CCDC50: variants seen among roughly 807,000 people sequenced by gnomAD.
CCDC50 encodes the protein coiled-coil domain-containing protein 50.
Under a neutral mutation model 70.2 loss-of-function variants are expected in CCDC50, and 54 were observed. The observed-to-expected ratio is 0.77, with a 90% CI of 0.62 to 0.96. The LOEUF (loss-of-function observed/expected upper bound fraction) is 0.96. Among genes scored for constraint, CCDC50 ranks in the 50% least tolerant of loss-of-function variants. CCDC50 has a pLI of 0.00. For synonymous variants in CCDC50, 216 were observed against 198.8 expected, an observed-to-expected ratio of 1.09 and a Z score of -0.73; for missense variants, 558 against 578.7, an observed-to-expected ratio of 0.96 and a Z score of 0.37.
At chr3:191,389,634 T>C (rs568565994) in intron 11 of CCDC50, 32 bp downstream of exon 11, 1 of 1,516,904 alleles carries the variant, frequency 6.6e-7, no homozygotes, top group East Asian at 2.3e-5. Context: ...AAGTTTAGGA[T>C]CTTCTTTTTT....
chr3:191,378,769 A>G (rs1576971332), intron 6 of CCDC50, among the ~76,000 whole-genome samples: 2 of 150,826 alleles, frequency 1.3e-5, no homozygotes, highest in South Asian at 4.2e-4. Flanking sequence ...TTGCTGTCCC[A>G]AACCACTTAG....
intron 4 of CCDC50, among the ~76,000 whole-genome samples, chr3:191,365,237 T>TA (rs2108654993): frequency 6.6e-6 from 1 of 151,948 alleles, no homozygotes; most frequent in East Asian, 1.9e-4. Context: ...TTGAAGCCCT[T>TA]TATAGTATAA....
At chr3:191,380,592 T>C in intron 7 of CCDC50, 95 bp from the exon 8 acceptor site, 1 of 1,220,100 alleles carries the variant, frequency 8.2e-7, no homozygotes, top group Non-Finnish European at 1.2e-6. Context: ...GAGTCACAAT[T>C]ATTTTCAAAA....
chr3:191,336,312 G>T (rs1318127915), intron 1 of CCDC50, among the ~76,000 whole-genome samples: 3 of 151,894 alleles, frequency 2.0e-5, no homozygotes, highest in Middle Eastern at 3.2e-3. Flanking sequence ...CTGCATCCTT[G>T]CTGGCATTTG....
rs190562738 is a variant in CCDC50 at position 191,347,659 on chromosome 3, C to T, written c.50-9429C>T. 1.2e-4 allele frequency among the ~76,000 whole-genome samples: 17 copies of T among 142,062 alleles called. 4 individuals carry two copies. In the South Asian group the frequency reaches 2.0e-3, roughly 17 times the overall value. 93.2% of individuals were successfully genotyped at this position (142,062 alleles called of 152,430 possible). A position where few individuals can be genotyped will look rare whatever the true frequency, so the allele number is the denominator to read the frequency against. ...AAAGAAACCAAGAATTGACCACCTG[C>T]CTGTATATATCACTTTTCTAGGTAT... is the stretch of plus-strand genomic sequence containing the variant. On this transcript the variant is annotated intron_variant, in intron 1 of 11. Transcript: ENST00000392455.
Position 191,392,076 on chromosome 3 carries a change from C to G in CCDC50, c.*316C>G, listed in dbSNP as rs1713714189. On this transcript the variant is annotated 3_prime_UTR_variant, in exon 12 of 12. Coordinates refer to ENST00000392455, the MANE Select transcript of CCDC50 (RefSeq NM_178335.3). ...GGAGTTTGGTATCTAGGGAGTAGGC[C>G]TTATTTAGCAATTCAAATTTTATGG... 3.8e-6 allele frequency: 1 copy of G among 260,302 alleles called. No individual in the cohort carries two copies. Among genetic ancestry groups the G allele is most frequent in the South Asian group, 8.9e-5 (1 of 11,274 alleles). 16.1% of individuals were successfully genotyped at this position (260,302 alleles called of 1,614,324 possible).
At chr3:191,343,984 A>G (rs1435954494) in intron 1 of CCDC50, among the ~76,000 whole-genome samples, 1 of 152,256 alleles carries the variant, frequency 6.6e-6, no homozygotes, top group East Asian at 1.9e-4. Context: ...TACAGAGGTT[A>G]GCAAAACTAT....
intron 5 of CCDC50, among the ~76,000 whole-genome samples, chr3:191,372,952 A>G (rs1294563434): frequency 6.6e-6 from 1 of 152,212 alleles, no homozygotes; most frequent in South Asian, 2.1e-4. Flanking sequence ...AAATAATGCA[A>G]TTTTGGTGAA....
At chr3:191,363,166 T>C (rs1358439553) in intron 4 of CCDC50, among the ~76,000 whole-genome samples, 2 of 152,078 alleles carry the variant, frequency 1.3e-5, no homozygotes, top group East Asian at 3.8e-4. Context: ...ATAGTAATCA[T>C]AGTAAGTAAT....
At chr3:191,364,092 CAG>C (rs954450377) in intron 4 of CCDC50, among the ~76,000 whole-genome samples, 6 of 148,852 alleles carry the variant, frequency 4.0e-5, no homozygotes, top group African/African-American at 1.2e-4. Flanking sequence ...TTTTTTTAGA[CAG>C]AGTCTTGCTC....
intron 1 of CCDC50, among the ~76,000 whole-genome samples, chr3:191,356,766 A>T (rs1488046696): frequency 1.3e-5 from 2 of 152,162 alleles, no homozygotes; most frequent in East Asian, 1.9e-4. Context: ...AGCAGCACTT[A>T]ACCCTCCATT....
At chr3:191,369,813 A>G in intron 4 of CCDC50, 106 bp from the exon 5 acceptor site, 1 of 801,152 alleles carries the variant, frequency 1.2e-6, no homozygotes, top group South Asian at 1.3e-5. Flanking sequence ...CTAGAGAGCC[A>G]TGGACAGAGC....
rs35947345 is a variant in CCDC50 at position 191,363,075 on chromosome 3, G to GT, written c.330+1928dup. Among the ~76,000 whole-genome samples the GT allele has an allele frequency of 1.3e-3, 185 of 147,908 alleles. 1 individual carries two copies. Among genetic ancestry groups the GT allele is most frequent in the Non-Finnish European group, 1.9e-3 (125 of 66,826 alleles). On this transcript the variant is annotated intron_variant, in intron 4 of 11. Coordinates refer to ENST00000392455, the MANE Select transcript of CCDC50 (RefSeq NM_178335.3). ...ATAAATGCTACTGCTGTCCTGTGGGGTTTTTTTTTTTTCTCCGTTTAGAGA... is the reference window on the plus strand; with the variant it reads ...ATAAATGCTACTGCTGTCCTGTGGGGTTTTTTTTTTTTTCTCCGTTTAGAGA...
rs1437904823 is a variant in CCDC50, at chr3:191,379,819, T to C, written c.977-340T>C. 3.3e-5 allele frequency among the ~76,000 whole-genome samples: 5 copies of C among 152,314 alleles called. No homozygotes were observed. In the East Asian group the frequency reaches 9.6e-4, roughly 29 times the overall value. On this transcript the variant is annotated intron_variant, in intron 6 of 11. Coordinates refer to ENST00000392455, the MANE Select transcript of CCDC50 (RefSeq NM_178335.3). ...CTGTAATTTGCTTTTCTTTAAATTA[T>C]TTTTGTTTTCAATGACTTTTTTTTC... is the stretch of plus-strand genomic sequence containing the variant.
chr3:191,367,185 T>G (rs1362514440), intron 4 of CCDC50, among the ~76,000 whole-genome samples: 1 of 152,036 alleles, frequency 6.6e-6, no homozygotes, highest in African/African-American at 2.4e-5. Context: ...TTATTATTAT[T>G]TTTTTACTTG....
At chr3:191,380,339 A>T (rs762714405) in intron 7 of CCDC50, 65 bp downstream of exon 7, 176 of 978,530 alleles carry the variant, frequency 1.8e-4, no homozygotes, top group Non-Finnish European at 2.7e-4. Flanking sequence ...AATCTAGTCC[A>T]TCTTGAAATT....
Position 191,357,984 on chromosome 3 carries a change from TC to T in CCDC50, c.113-13del. On this transcript the variant is annotated splice_polypyrimidine_tract_variant and intron_variant, in intron 2 of 11. Transcript: ENST00000392455. ...AGACATTATTCATTCCTGTCCTCAATCTTTTTGTTCCAGTTGAGCATCATTT... is the reference window on the plus strand; with the variant it reads ...AGACATTATTCATTCCTGTCCTCAATTTTTTGTTCCAGTTGAGCATCATTT... 2 of 1,613,878 alleles carry T rather than the reference TC, an allele frequency of 1.2e-6. No individual in the cohort carries two copies. The highest frequency in any genetic ancestry group is 1.7e-6 in the Non-Finnish European group (2 of 1,179,796).
chr3:191,329,598 T>TGCGCTCGGGGCC lies in CCDC50; in HGVS notation c.-76_-65dup, dbSNP rs1576942065. ...TTTGCGCCGCGTCCGGCGCTGCTGC[T>TGCGCTCGGGGCC]GCGCTCGGGGCCCCGCTCGGCGCCG... is the stretch of plus-strand genomic sequence containing the variant. On this transcript the variant is annotated 5_prime_UTR_variant, in exon 1 of 12. Coordinates refer to ENST00000392455, the MANE Select transcript of CCDC50 (RefSeq NM_178335.3). 1.2e-5 allele frequency: 18 copies of TGCGCTCGGGGCC among 1,496,188 alleles called. No homozygotes were observed. Among genetic ancestry groups the TGCGCTCGGGGCC allele is most frequent in the Non-Finnish European group, 1.5e-5 (17 of 1,100,352 alleles). 92.7% of individuals were successfully genotyped at this position (1,496,188 alleles called of 1,614,324 possible).
intron 5 of CCDC50, 168 bp downstream of exon 5, chr3:191,370,204 ATGTTT>A (rs759590923): frequency 9.7e-6 from 6 of 617,124 alleles, no homozygotes; most frequent in Non-Finnish European, 1.2e-5. Flanking sequence ...TAATAAATTC[ATGTTT>A]TGTTTTGTTT....
Sources: allele counts gnomAD v4.1 joint callset (sites outside exome capture counted in the v4.1 genomes callset), GRCh38; gene constraint gnomAD v4.1.1; transcripts MANE v1.5; gene names NCBI Gene and HGNC (gene_info 2026-07-23, HGNC 2026-07-21).